CACNA1A: variants seen among roughly 807,000 people sequenced by gnomAD.
CACNA1A encodes calcium voltage-gated channel subunit alpha1 A.
Under a neutral mutation model 262.4 loss-of-function variants are expected in CACNA1A, and 57 were observed. The observed-to-expected ratio is 0.22, with a 90% CI of 0.18 to 0.27. The LOEUF (loss-of-function observed/expected upper bound fraction) is 0.27, where lower values mean the gene tolerates loss of function less well. Among genes scored for constraint, CACNA1A ranks in the 10% least tolerant of loss-of-function variants. The pLI is 1.00. For synonymous variants in CACNA1A, 1,431 were observed against 1,419.3 expected (o/e 1.01, Z -0.18); for missense variants, 2,526 against 3,562.8 (o/e 0.71, Z 7.41).
At position 13,388,536 on chromosome 19, in the gene CACNA1A, G is replaced by A. The variant is rs569773970; in HGVS notation, c.540-16757C>T. ...CTCGCAAAGTGGTGGGGTTACAGGC[G>A]TGAGCCACCCCCTGGCGAGAAAACT... On this transcript the variant is annotated intron_variant, in intron 3 of 46. Transcript: ENST00000360228. 7.9e-5 allele frequency among the ~76,000 whole-genome samples: 12 copies of A among 152,204 alleles called. No homozygotes were observed. In the South Asian group the frequency reaches 1.9e-3, roughly 24 times the overall value.
Position 13,485,139 on chromosome 19 carries a change from T to C in CACNA1A, c.293+20793A>G, listed in dbSNP as rs572070040. Among the ~76,000 whole-genome samples, 50 of 152,282 alleles carry C rather than the reference T, an allele frequency of 3.3e-4. 1 individual carries two copies. Among genetic ancestry groups the C allele is most frequent in the South Asian group, 1.7e-3 (8 of 4,828 alleles). ...AGTCAAGAGGTTGTCTTGCAGATCA[T>C]TGGGGCAAGAATGGGCTTTTTAATA... On this transcript the variant is annotated intron_variant, in intron 1 of 46. Transcript: ENST00000360228.
Position 13,212,214 on chromosome 19 carries a change from G to C in CACNA1A, c.6192C>G (p.Ser2064=). The change falls in exon 43 of 47, where the codon TCC becomes TCG. Residue 2064 remains serine (S), a splice_region_variant and synonymous_variant. Transcript: ENST00000360228. The surrounding 1 kb of genome is among the most constrained non-coding windows in gnomAD (Gnocchi z 5.6). ...CTCTGCCCATCTCTCGCATCTCCAC[G>C]GACTGCGGAGCAGATGGCAAAGCCA... ...DMPNSQPNSQ[S]VEMREMGRDG... is the part of the protein sequence containing the mutation. 1.2e-6 allele frequency: 2 copies of C among 1,613,092 alleles called. No homozygotes were observed. The highest frequency in any genetic ancestry group is 1.7e-6 in the Non-Finnish European group (2 of 1,179,128).
At chr19:13,293,477 G>A (rs10420879) in intron 19 of CACNA1A, among the ~76,000 whole-genome samples, 7,724 of 121,004 alleles carry the variant, frequency 0.064, 793 homozygotes, top group African/African-American at 0.22. Flanking sequence ...ATGGAGTCTC[G>A]CTCTGTCTCC....
At chr19:13,454,122 C>G (rs2060963209) in intron 2 of CACNA1A, among the ~76,000 whole-genome samples, 1 of 151,760 alleles carries the variant, frequency 6.6e-6, no homozygotes, top group African/African-American at 2.4e-5. Flanking sequence ...CCGGGAAAAC[C>G]AAGGCATGAT....
At chr19:13,332,036 T>C (rs753863774) in intron 9 of CACNA1A, among the ~76,000 whole-genome samples, 3 of 152,208 alleles carry the variant, frequency 2.0e-5, no homozygotes, top group Non-Finnish European at 4.4e-5. Context: ...ACTCTTACAG[T>C]CTGTCCCCTG....
At chr19:13,319,209 T>C (rs144266498) in intron 10 of CACNA1A, among the ~76,000 whole-genome samples, 1 of 152,360 alleles carries the variant, frequency 6.6e-6, no homozygotes, top group East Asian at 1.9e-4. Context: ...ATACCTTTTC[T>C]TATAAACCCT....
intron 23 of CACNA1A, among the ~76,000 whole-genome samples, chr19:13,276,631 C>T (rs1004762106): frequency 2.0e-5 from 3 of 152,056 alleles, no homozygotes; most frequent in African/African-American, 7.2e-5. Flanking sequence ...ATTTCTAATC[C>T]TCTGGGAGAC....
At chr19:13,495,061 G>C (rs1423732466) in intron 1 of CACNA1A, among the ~76,000 whole-genome samples, 1 of 152,036 alleles carries the variant, frequency 6.6e-6, no homozygotes, top group Non-Finnish European at 1.5e-5. Context: ...TCCACCAATG[G>C]AGCAAAATCC....
At position 13,209,429 on chromosome 19, in the gene CACNA1A, C is replaced by T. The variant is rs755880731; in HGVS notation, c.6409G>A (p.Asp2137Asn). The T allele has an allele frequency of 5.1e-6, 7 of 1,385,674 alleles. No homozygotes were observed. The highest frequency in any genetic ancestry group is 3.3e-5 in the Admixed American group (1 of 30,572). The allele number at this position is 1,385,674 out of a possible 1,614,324, so 85.8% of individuals were successfully genotyped here. Residue 2137 changes from aspartate to asparagine, a missense_variant, in exon 45 of 47, where the codon GAT becomes AAT. Physicochemically the swap from Asp to Asn is conservative, Grantham distance 23. This residue lies in a region of CACNA1A where 929 missense variants were observed against 868.1 expected (regional missense o/e 1.07). Transcript: ENST00000360228. ...VLGPKARRLD[D>N]YSLERVPPEE... Reference sequence around the variant, plus strand: ...GGCGGGACCCGCTCCAGCGAGTAATCGTCCAGGCGTCGGGCCTTGGGGCCC... The same window carrying T: ...GGCGGGACCCGCTCCAGCGAGTAATTGTCCAGGCGTCGGGCCTTGGGGCCC...
rs892541825 is a variant in CACNA1A at position 13,241,240 on chromosome 19, C to T, written c.4950+3942G>A. ...GGGATGGGGCAAGAGAGAGGTGCTG[C>T]GCTGGGAAAACCCATCCCTTTCTCT... On this transcript the variant is annotated intron_variant, in intron 31 of 46. Coordinates refer to ENST00000360228, the MANE Select transcript of CACNA1A (RefSeq NM_001127222.2). This position sits in a 1 kb window ranked among gnomAD's most constrained non-coding sequence, Gnocchi z 4.0. Among the ~76,000 whole-genome samples, 11 of 152,016 alleles carry T rather than the reference C, an allele frequency of 7.2e-5. No individual in the cohort carries two copies. Among genetic ancestry groups the T allele is most frequent in the African/African-American group, 1.9e-4 (8 of 41,374 alleles).
chr19:13,371,353 G>A, intron 4 of CACNA1A: 1 of 221,118 alleles, frequency 4.5e-6, no homozygotes, highest in Non-Finnish European at 9.0e-6. Context: ...CAGCCACTCT[G>A]AGCCTCAGTT....
chr19:13,307,960 C>T (rs2057942195), intron 14 of CACNA1A, 106 bp from the exon 15 acceptor site: 3 of 1,378,212 alleles, frequency 2.2e-6, no homozygotes, highest in Admixed American at 3.6e-5. Flanking sequence ...TCATCTCTGT[C>T]CCCAGGAAAC....
At chr19:13,446,311 A>T (rs2060811012) in intron 3 of CACNA1A, among the ~76,000 whole-genome samples, 1 of 151,322 alleles carries the variant, frequency 6.6e-6, no homozygotes, top group Admixed American at 6.6e-5. Context: ...TCTCAATGTC[A>T]AATTAATATA....
At chr19:13,215,959 C>T (rs149812559) in intron 38 of CACNA1A, among the ~76,000 whole-genome samples, 5 of 152,068 alleles carry the variant, frequency 3.3e-5, no homozygotes, top group South Asian at 4.2e-4. Flanking sequence ...TTTGCTCTGT[C>T]GCCCAGGCTA....
rs771565473 is a variant in CACNA1A at position 13,298,966 on chromosome 19, G to C, written c.2667C>G (p.Ala889=). Residue 889 remains alanine (A), a synonymous_variant, in exon 19 of 47, where the codon GCC becomes GCG. Coordinates refer to ENST00000360228, the MANE Select transcript of CACNA1A (RefSeq NM_001127222.2). ...CGTAGGGTCCCTCCCGGCTCAGCTCGGCCTCCTGGCTTCCCGCCCAGGGCC... is the reference window on the plus strand; with the variant it reads ...CGTAGGGTCCCTCCCGGCTCAGCTCCGCCTCCTGGCTTCCCGCCCAGGGCC... The part of the protein sequence containing the change: ...ARRPWAGSQE[A]ELSREGPYGR... 1 of 1,585,682 alleles carries C rather than the reference G, an allele frequency of 6.3e-7. No homozygotes were observed. The highest frequency in any genetic ancestry group is 8.5e-7 in the Non-Finnish European group (1 of 1,173,502).
intron 4 of CACNA1A, chr19:13,366,365 G>A (rs916967493): frequency 6.6e-6 from 1 of 152,110 alleles, no homozygotes; most frequent in African/African-American, 2.4e-5. Flanking sequence ...AGCTACTCTA[G>A]GGACTGAGGC....
intron 9 of CACNA1A, 58 bp downstream of exon 9, chr19:13,332,811 C>T (rs962753811): frequency 8.4e-7 from 1 of 1,189,128 alleles, no homozygotes; most frequent in African/African-American, 1.5e-5. Flanking sequence ...CGACTCCCCA[C>T]CACAGCTTCT....
chr19:13,409,861 C>T (rs1198597392), intron 3 of CACNA1A, among the ~76,000 whole-genome samples: 3 of 152,196 alleles, frequency 2.0e-5, no homozygotes, highest in Non-Finnish European at 4.4e-5. Context: ...CACCACTGCA[C>T]TCGGTCTACC....
chr19:13,464,673 C>T (rs573570796), intron 1 of CACNA1A, among the ~76,000 whole-genome samples: 21 of 151,726 alleles, frequency 1.4e-4, no homozygotes, highest in African/African-American at 4.8e-4. Context: ...CTCAGCCTCC[C>T]GAGTAGCTGG....
Sources: gnomAD v4.1 joint callset for allele counts (sites outside exome capture counted in the v4.1 genomes callset) on GRCh38, gnomAD v4.1.1 for gene constraint, gnomAD v4.1.1 regional missense constraint, Gnocchi (gnomAD v3.1) non-coding constraint, MANE v1.5 for transcripts, NCBI Gene and HGNC (gene_info 2026-07-23, HGNC 2026-07-21) for gene names.